ACOX1: variants seen among roughly 807,000 people sequenced by gnomAD.
ACOX1 encodes the protein acyl-CoA oxidase 1.
A neutral mutation model predicts 75.5 loss-of-function variants in ACOX1; 41 were observed. The observed-to-expected ratio is 0.54, with a 90% CI of 0.42 to 0.70. The LOEUF is 0.70. ACOX1 is among the 30% of genes least tolerant of loss of function. The probability of loss-of-function intolerance (pLI) is 0.00; values close to 1 mark genes in which losing one functional copy is unlikely to be tolerated. For missense variants in ACOX1, 630 were observed against 837.5 expected, an observed-to-expected ratio of 0.75 and a Z score of 3.06; for synonymous variants, 303 against 298.8, an observed-to-expected ratio of 1.01 and a Z score of -0.15.
chr17:75,955,536 G>A, intron 6 of ACOX1, 30 bp downstream of exon 6: 2 of 1,573,476 alleles, frequency 1.3e-6, no homozygotes, highest in Non-Finnish European at 1.7e-6. Context: ...ACTGTTTGAT[G>A]CCTCTGCTTT....
At chr17:75,953,342 A>G (rs1005423407) in intron 7 of ACOX1, 109 bp downstream of exon 7, 1 of 1,303,402 alleles carries the variant, frequency 7.7e-7, no homozygotes, top group Non-Finnish European at 1.1e-6. Flanking sequence ...ACCCTAGCCA[A>G]TTTTGCAGTG....
intron 2 of ACOX1, among the ~76,000 whole-genome samples, chr17:75,968,019 G>A (rs891763245): frequency 1.3e-5 from 2 of 151,208 alleles, no homozygotes; most frequent in African/African-American, 2.4e-5. Context: ...GATTACAGGC[G>A]AGAGCCATTG....
chr17:75,968,250 A>C (rs1173397036), intron 2 of ACOX1, among the ~76,000 whole-genome samples: 10 of 147,172 alleles, frequency 6.8e-5, no homozygotes, highest in Non-Finnish European at 1.5e-5. Context: ...TCCTGGCTAA[A>C]ACGGTGAAAC....
In ACOX1 at chr17:75,957,512, T is replaced by C. The variant is rs2065844574; in HGVS notation, c.485A>G (p.Glu162Gly). ...CACAGTAGGACTGTTGAGAATGAAC[T>C]CCTGGGTTTCAGGGTCATACGTGGC... Reference protein sequence around the residue: ...TTATYDPETQEFILNSPTVTS... With the variant: ...TTATYDPETQGFILNSPTVTS... Residue 162 changes from glutamate to glycine, a missense_variant, in exon 4 of 14, where the codon GAG becomes GGG. Glu to Gly is a moderately conservative substitution (Grantham distance 98, BLOSUM62 -2). Transcript: ENST00000293217. 6.2e-7 allele frequency: 1 copy of C among 1,614,042 alleles called. No homozygotes were observed. Among genetic ancestry groups the C allele is most frequent in the Non-Finnish European group, 8.5e-7 (1 of 1,180,024 alleles).
At chr17:75,964,045 A>G (rs150996377) in intron 2 of ACOX1, among the ~76,000 whole-genome samples, 2,100 of 151,858 alleles carry the variant, frequency 0.014, 28 homozygotes, top group Middle Eastern at 0.048. Flanking sequence ...TTAGCTGGGC[A>G]TGGTGGCAGG....
intron 2 of ACOX1, among the ~76,000 whole-genome samples, chr17:75,977,673 T>C (rs1284230556): frequency 6.6e-6 from 1 of 152,234 alleles, no homozygotes; most frequent in Non-Finnish European, 1.5e-5. Context: ...GTCTCTCTCA[T>C]ATGCACAAGA....
In ACOX1 at chr17:75,956,913, CTCTCTCTCTCTCTCTCTCT is replaced by C. The variant is rs2065829754; in HGVS notation, c.538+527_538+545del. Among the ~76,000 whole-genome samples, 21 of 42,940 alleles carry C rather than the reference CTCTCTCTCTCTCTCTCTCT, an allele frequency of 4.9e-4. 1 individual carries two copies. Among genetic ancestry groups the C allele is most frequent in the Middle Eastern group, 0.013 (1 of 80 alleles). 28.2% of individuals were successfully genotyped at this position (42,940 alleles called of 152,430 possible). A position where few individuals can be genotyped will look rare whatever the true frequency, so the allele number is the denominator to read the frequency against. On this transcript the variant is annotated intron_variant, in intron 4 of 13. Coordinates refer to ENST00000293217, the MANE Select transcript of ACOX1 (RefSeq NM_004035.7). ...ATGTGCCGCTATGCCTGGCTTTCCT[CTCTCTCTCTCTCTCTCTCT>C]CTCTCTCTCTCTCTCTCTCTCTCTC...
intron 3 of ACOX1, among the ~76,000 whole-genome samples, chr17:75,958,173 T>C (rs367806029): frequency 0.012 from 1,730 of 145,596 alleles, 35 homozygotes; most frequent in African/African-American, 0.039. Flanking sequence ...GCTAACATGG[T>C]GAAACCCGTC....
chr17:75,963,926 A>G (rs558591143), intron 2 of ACOX1, among the ~76,000 whole-genome samples: 2 of 151,052 alleles, frequency 1.3e-5, no homozygotes, highest in African/African-American at 4.9e-5. Flanking sequence ...GCTCATGCCT[A>G]TAATCCCAGT....
intron 2 of ACOX1, among the ~76,000 whole-genome samples, chr17:75,968,879 G>A (rs927093841): frequency 2.2e-4 from 33 of 150,134 alleles, no homozygotes; most frequent in Admixed American, 2.0e-4. Flanking sequence ...CCGAGATCAC[G>A]CCACTGCACT....
At chr17:75,949,386 G>A in intron 11 of ACOX1, 26 bp from the exon 12 acceptor site, 4 of 1,613,978 alleles carry the variant, frequency 2.5e-6, no homozygotes, top group Non-Finnish European at 3.4e-6. Context: ...AAACACCAGA[G>A]TTTGAGAACC....
chr17:75,968,713 A>G (rs1314624527), intron 2 of ACOX1, among the ~76,000 whole-genome samples: 3 of 151,762 alleles, frequency 2.0e-5, no homozygotes, highest in African/African-American at 7.3e-5. Context: ...ACCTGAGGTC[A>G]GGAGTTCAAG....
At chr17:75,956,911 CT>C (rs1455590832) in intron 4 of ACOX1, among the ~76,000 whole-genome samples, 508 of 25,200 alleles carry the variant, frequency 0.02, 96 homozygotes, top group Middle Eastern at 0.06. Context: ...CCTGGCTTTC[CT>C]CTCTCTCTCT....
rs535030443 is a variant in ACOX1 at position 75,978,958 on chromosome 17, C to T, written c.109+7G>A. The T allele has an allele frequency of 1.9e-6, 3 of 1,609,590 alleles. No individual in the cohort carries two copies. The highest frequency in any genetic ancestry group is 2.5e-6 in the Non-Finnish European group (3 of 1,179,952). ...GAAAGGAGGGAGGTCTCGCCCGCCG[C>T]CCTCACCGATCTCTCGGCGGCGCCG... On this transcript the variant is annotated splice_region_variant and intron_variant, in intron 1 of 13. Transcript: ENST00000293217. This position sits in a 1 kb window ranked among gnomAD's most constrained non-coding sequence, Gnocchi z 4.2.
Position 75,953,548 on chromosome 17 carries a change from A to C in ACOX1, c.847T>G (p.Ser283Ala). ...LTYGTMVFVR[S>A]FLVGEAARAL... ...CGAGCAGCTTCTCCCACAAGGAAGG[A>C]CCTGACAAACACCATGGTCCCGTAA... Residue 283 changes from serine (S) to alanine (A), a missense_variant, in exon 7 of 14, where the codon TCC becomes GCC. Coordinates refer to ENST00000293217, the MANE Select transcript of ACOX1 (RefSeq NM_004035.7). The C allele has an allele frequency of 6.2e-7, 1 of 1,614,184 alleles. No individual in the cohort carries two copies. Among genetic ancestry groups the C allele is most frequent in the Non-Finnish European group, 8.5e-7 (1 of 1,180,024 alleles).
intron 2 of ACOX1, among the ~76,000 whole-genome samples, chr17:75,962,068 C>T (rs2065893560): frequency 6.6e-6 from 1 of 152,082 alleles, no homozygotes; most frequent in Non-Finnish European, 1.5e-5. Context: ...AGCGTAGAAC[C>T]ATATTCCTCA....
intron 9 of ACOX1, 56 bp from the exon 10 acceptor site, chr17:75,949,953 G>C: frequency 6.3e-7 from 1 of 1,594,962 alleles, no homozygotes; most frequent in African/African-American, 1.3e-5. Flanking sequence ...TGTTTCTTTT[G>C]AGATGGAGTT....
intron 13 of ACOX1, among the ~76,000 whole-genome samples, chr17:75,947,686 TTGTGTGTG>T (rs139373608): frequency 2.7e-5 from 4 of 149,452 alleles, no homozygotes; most frequent in Non-Finnish European, 5.9e-5. Context: ...TTTATTCTAT[TTGTGTGTG>T]TGTGTGTGTG....
chr17:75,969,181 T>A (rs1228685173), intron 2 of ACOX1, among the ~76,000 whole-genome samples: 1 of 152,098 alleles, frequency 6.6e-6, no homozygotes, highest in Non-Finnish European at 1.5e-5. Flanking sequence ...TTATTTATTT[T>A]TTGAGACGGA....
Sources: allele counts gnomAD v4.1 joint callset (sites outside exome capture counted in the v4.1 genomes callset), GRCh38; gene constraint gnomAD v4.1.1; non-coding constraint Gnocchi (gnomAD v3.1); transcripts MANE v1.5; gene names NCBI Gene and HGNC (gene_info 2026-07-23, HGNC 2026-07-21).